SAMSN1: variants seen among roughly 807,000 people sequenced by gnomAD.
The protein encoded by SAMSN1 is SAM domain-containing protein SAMSN-1.
SAMSN1 carries 31 observed loss-of-function variants against 42.0 expected under a neutral mutation model. The observed-to-expected ratio is 0.74, with a 90% CI of 0.55 to 1.00. The LOEUF is 1.00. Ranked by LOEUF, SAMSN1 falls within the 50% of genes least tolerant of loss-of-function variation. The probability of loss-of-function intolerance (pLI) is 0.00; values close to 1 mark genes in which losing one functional copy is unlikely to be tolerated. For synonymous variants in SAMSN1, 178 were observed against 151.9 expected (o/e 1.17, Z -1.26); for missense variants, 464 against 439.4 (o/e 1.06, Z -0.50).
Position 14,546,272 on chromosome 21 carries a change from G to T in SAMSN1, c.-11C>A. On this transcript the variant is annotated 5_prime_UTR_variant, in exon 1 of 8. Transcript: ENST00000400566. The stretch of plus-strand genomic sequence containing the variant: ...CTTTCTCTTGAGCATTTTGAATTCT[G>T]ACTACTCCTAGTGAGTGCACTTTCT... 1 of 1,613,216 alleles carries T rather than the reference G, an allele frequency of 6.2e-7. No individual in the cohort carries two copies. The highest frequency in any genetic ancestry group is 1.1e-5 in the South Asian group (1 of 91,034).
At chr21:14,501,980 C>T (rs1003697950) in intron 5 of SAMSN1, among the ~76,000 whole-genome samples, 1 of 152,132 alleles carries the variant, frequency 6.6e-6, no homozygotes, top group Non-Finnish European at 1.5e-5. Context: ...AAATAGGATG[C>T]CTATGTTCAA....
intron 7 of SAMSN1, among the ~76,000 whole-genome samples, chr21:14,488,529 C>T (rs993107674): frequency 4.6e-5 from 7 of 152,052 alleles, no homozygotes; most frequent in Non-Finnish European, 7.4e-5. Context: ...GCATTCACCT[C>T]AATGGGGAAT....
At chr21:14,624,477 C>A (rs1983107943) in intron 2 of SAMSN1, among the ~76,000 whole-genome samples, 2 of 152,206 alleles carry the variant, frequency 1.3e-5, no homozygotes, top group South Asian at 4.1e-4. Flanking sequence ...TACAAACTAC[C>A]ATCAGAGAAT....
chr21:14,500,379 A>C, intron 6 of SAMSN1, 150 bp downstream of exon 6: 2 of 649,812 alleles, frequency 3.1e-6, no homozygotes, highest in Non-Finnish European at 5.3e-6. Context: ...AAAAGTAATA[A>C]AAGAGAAATA....
intron 1 of SAMSN1, among the ~76,000 whole-genome samples, chr21:14,648,319 G>A (rs62227254): frequency 0.013 from 1,931 of 152,204 alleles, 23 homozygotes; most frequent in Middle Eastern, 0.027. Flanking sequence ...AAAAACCCTA[G>A]AAGAAAACCT....
chr21:14,627,961 C>T (rs1983227364), intron 2 of SAMSN1, among the ~76,000 whole-genome samples: 1 of 152,072 alleles, frequency 6.6e-6, no homozygotes, highest in Admixed American at 6.6e-5. Flanking sequence ...TTTCTCCTTC[C>T]ATGTTGAATA....
intron 5 of SAMSN1, among the ~76,000 whole-genome samples, chr21:14,501,450 CA>C (rs1489048085): frequency 3.3e-5 from 5 of 152,104 alleles, no homozygotes; most frequent in Non-Finnish European, 7.4e-5. Flanking sequence ...ACGGCAGAAC[CA>C]GAACTCAAGT....
intron 6 of SAMSN1, among the ~76,000 whole-genome samples, chr21:14,597,187 T>C (rs1289067122): frequency 6.6e-6 from 1 of 152,120 alleles, no homozygotes; most frequent in Non-Finnish European, 1.5e-5. Flanking sequence ...ATCTGTCTGA[T>C]AAAACCTAGT....
chr21:14,583,999 A>ATTT (rs34155133), upstream of SAMSN1, among the ~76,000 whole-genome samples: 65,104 of 149,014 alleles, frequency 0.44, 17,111 homozygotes, highest in Non-Finnish European at 0.59. Context: ...TGGTTTTACC[A>ATTT]TTTTTTTTTT....
intron 2 of SAMSN1, among the ~76,000 whole-genome samples, chr21:14,553,411 T>C (rs1980662967): frequency 6.6e-6 from 1 of 152,190 alleles, no homozygotes; most frequent in Non-Finnish European, 1.5e-5. Flanking sequence ...ATATTTAATT[T>C]CAAACATCAT....
intron 2 of SAMSN1, among the ~76,000 whole-genome samples, chr21:14,568,749 C>A (rs185458287): frequency 2.0e-5 from 3 of 152,284 alleles, no homozygotes; most frequent in Admixed American, 1.3e-4. Flanking sequence ...AGAAAGATTT[C>A]TCCACTGAAA....
At chr21:14,568,477 C>T (rs180791767) in intron 2 of SAMSN1, among the ~76,000 whole-genome samples, 41 of 152,232 alleles carry the variant, frequency 2.7e-4, no homozygotes, top group African/African-American at 8.2e-4. Context: ...GTACTAAGTT[C>T]GGAAATATTT....
upstream of SAMSN1, among the ~76,000 whole-genome samples, chr21:14,549,677 G>T (rs1385333160): frequency 6.6e-6 from 1 of 152,106 alleles, no homozygotes; most frequent in African/African-American, 2.4e-5. Context: ...AAGATTTAAT[G>T]TAAGAATAAT....
Position 14,537,208 on chromosome 21 carries a change from A to G in SAMSN1, c.57+8997T>C, listed in dbSNP as rs370879658. On this transcript the variant is annotated intron_variant, in intron 1 of 7. Coordinates refer to ENST00000400566, the MANE Select transcript of SAMSN1 (RefSeq NM_022136.5). ...ACTGCTTCTCAAACACACCAGAGAC[A>G]GTCCCATTTCAAGGCCTTTGCACTT... 1.2e-4 allele frequency among the ~76,000 whole-genome samples: 19 copies of G among 152,326 alleles called. No individual in the cohort carries two copies. In the East Asian group the frequency reaches 2.9e-3, roughly 23 times the overall value.
intron 2 of SAMSN1, among the ~76,000 whole-genome samples, chr21:14,520,694 C>T (rs759965760): frequency 6.6e-6 from 1 of 152,112 alleles, no homozygotes; most frequent in Non-Finnish European, 1.5e-5. Flanking sequence ...CCCACCCTTT[C>T]CCAACTGATT....
chr21:14,586,196 G>A (rs1476464850), upstream of SAMSN1, among the ~76,000 whole-genome samples: 1 of 134,064 alleles, frequency 7.5e-6, no homozygotes, highest in Non-Finnish European at 1.5e-5. Context: ...CCGGGAGGCA[G>A]AGATTGCAGT....
intron 2 of SAMSN1, among the ~76,000 whole-genome samples, chr21:14,559,178 T>C (rs534924216): frequency 2.4e-4 from 36 of 152,312 alleles, no homozygotes; most frequent in Admixed American, 5.9e-4. Flanking sequence ...CTTTACAAGA[T>C]AATAAATATA....
chr21:14,592,814 A>T (rs563081388), intron 7 of SAMSN1, among the ~76,000 whole-genome samples: 1 of 152,286 alleles, frequency 6.6e-6, no homozygotes, highest in East Asian at 1.9e-4. Context: ...AAGTCCTGCA[A>T]TCTAGTTCTC....
At chr21:14,525,406 G>A (rs1156602449) in intron 1 of SAMSN1, among the ~76,000 whole-genome samples, 2 of 151,994 alleles carry the variant, frequency 1.3e-5, no homozygotes, top group South Asian at 2.1e-4. Context: ...AAAATACAGA[G>A]CAAAACAACC....
Sources: gnomAD v4.1 joint callset for allele counts (sites outside exome capture counted in the v4.1 genomes callset) on GRCh38, gnomAD v4.1.1 for gene constraint, MANE v1.5 for transcripts, NCBI Gene and HGNC (gene_info 2026-07-23, HGNC 2026-07-21) for gene names.